CABIN1: variants seen among roughly 807,000 people sequenced by gnomAD.
CABIN1 encodes the protein calcineurin binding protein 1, also known as calcineurin-binding protein cabin-1.
A neutral mutation model predicts 227.7 loss-of-function variants in CABIN1; 133 were observed. That is an observed-to-expected ratio of 0.58 (90% CI 0.51 to 0.67). The LOEUF (loss-of-function observed/expected upper bound fraction) is 0.67, where lower values mean the gene tolerates loss of function less well. CABIN1 is among the 30% of genes least tolerant of loss of function. The probability of loss-of-function intolerance (pLI) is 0.00; values close to 1 mark genes in which losing one functional copy is unlikely to be tolerated. For synonymous variants in CABIN1, 1,086 were observed against 1,155.1 expected (o/e 0.94, Z 1.21); for missense variants, 2,408 against 2,852.5 (o/e 0.84, Z 3.55).
chr22:24,015,764 T>A (rs1291376001), intron 1 of CABIN1, among the ~76,000 whole-genome samples: 1 of 152,114 alleles, frequency 6.6e-6, no homozygotes, highest in East Asian at 1.9e-4. Flanking sequence ...GAGGCCAGCC[T>A]GACCAACATG....
chr22:24,134,169 G>A, intron 28 of CABIN1, 133 bp from the exon 29 acceptor site: 1 of 695,582 alleles, frequency 1.4e-6, no homozygotes. Flanking sequence ...TGGAGCTGTG[G>A]AATCGATGTC....
chr22:24,053,661 G>A (rs2038544874), intron 8 of CABIN1, among the ~76,000 whole-genome samples: 1 of 152,156 alleles, frequency 6.6e-6, no homozygotes, highest in African/African-American at 2.4e-5. Context: ...GTACAAGCAT[G>A]AGTCACCGTG....
At chr22:24,157,155 T>C (rs1602401285) in intron 29 of CABIN1, among the ~76,000 whole-genome samples, 1 of 151,794 alleles carries the variant, frequency 6.6e-6, no homozygotes, top group South Asian at 2.1e-4. Flanking sequence ...CCCTGATAGG[T>C]TTGTGGTAGA....
chr22:24,095,988 G>A lies in CABIN1; in HGVS notation c.3844G>A (p.Val1282Ile), dbSNP rs1181139555. 1 of 1,614,134 alleles carries A rather than the reference G, an allele frequency of 6.2e-7. No homozygotes were observed. The highest frequency in any genetic ancestry group is 1.7e-5 in the Admixed American group (1 of 60,028). The change falls in exon 25 of 37, where the codon GTT (valine) becomes ATT (isoleucine). Residue 1282 changes from valine to isoleucine, a missense_variant. By Grantham distance (29) the Val-to-Ile change is conservative. Around this residue, in one of 3 missense-constraint regions of CABIN1, gnomAD observed 649 missense variants for 910.3 expected, o/e 0.71. Transcript: ENST00000263119. Reference protein sequence around the residue: ...LKLLGKPDSGVGAEVLVNFMK... With the variant: ...LKLLGKPDSGIGAEVLVNFMK... ...GCTCCTGGGGAAGCCCGATTCTGGG[G>A]TTGGTGCAGAGGTCCTGGTCAACTT...
In CABIN1 at chr22:24,171,706, C is replaced by T; in HGVS notation, c.5758-7C>T. On this transcript the variant is annotated splice_region_variant and splice_polypyrimidine_tract_variant and intron_variant, in intron 33 of 36. Transcript: ENST00000263119. ...CAGCCTTTCTCACCTCTTGTTTGTCCTCACAGGCCTCGGGGGACACCCCCA... is the reference window on the plus strand; with the variant it reads ...CAGCCTTTCTCACCTCTTGTTTGTCTTCACAGGCCTCGGGGGACACCCCCA... 1.2e-6 allele frequency: 2 copies of T among 1,613,998 alleles called. No homozygotes were observed. The highest frequency in any genetic ancestry group is 1.7e-6 in the Non-Finnish European group (2 of 1,180,002).
intron 25 of CABIN1, among the ~76,000 whole-genome samples, chr22:24,096,936 G>A (rs368617503): frequency 4.7e-4 from 72 of 152,330 alleles, no homozygotes; most frequent in African/African-American, 1.6e-3. Context: ...AGAGAGGCCT[G>A]CACCCAGGCC....
At chr22:24,027,772 G>A (rs1392852051) in intron 1 of CABIN1, among the ~76,000 whole-genome samples, 1 of 152,224 alleles carries the variant, frequency 6.6e-6, no homozygotes, top group African/African-American at 2.4e-5. Context: ...CCTTTGCCAG[G>A]TACTGGCACT....
In CABIN1 at chr22:24,145,614, C is replaced by T. The variant is rs553388939; in HGVS notation, c.4746+11199C>T. 5.3e-5 allele frequency among the ~76,000 whole-genome samples: 8 copies of T among 152,234 alleles called. No individual in the cohort carries two copies. The East Asian group carries it at 5.8e-4, about 11-fold the overall frequency. On this transcript the variant is annotated intron_variant, in intron 29 of 36. Coordinates refer to ENST00000263119, the MANE Select transcript of CABIN1 (RefSeq NM_012295.4). ...CTGGCACTCTGATGCTCAGATCTGT[C>T]GTCCCGTGTGTCTCTGCCTGGTGTG... is the stretch of plus-strand genomic sequence containing the variant.
Position 24,135,600 on chromosome 22 carries a change from C to CCTCTA in CABIN1, c.4746+1186_4746+1187insTCTAC, listed in dbSNP as rs760833407. Among the ~76,000 whole-genome samples, 196 of 152,178 alleles carry CCTCTA rather than the reference C, an allele frequency of 1.3e-3. 4 individuals are homozygous for CCTCTA. Among genetic ancestry groups the CCTCTA allele is most frequent in the Non-Finnish European group, 4.1e-4 (28 of 68,028 alleles). On this transcript the variant is annotated intron_variant, in intron 29 of 36. Transcript: ENST00000263119. ...TCTGTCCTGCATGGAGACAGCTGGC[C>CCTCTA]CCTCACTCCCCTCTACCTCCAAGTC...
chr22:24,172,604 G>A (rs1601292796), intron 34 of CABIN1, among the ~76,000 whole-genome samples: 1 of 152,246 alleles, frequency 6.6e-6, no homozygotes, highest in Non-Finnish European at 1.5e-5. Flanking sequence ...GGTGCGGGCA[G>A]TAGAGGGCCC....
chr22:24,038,193 C>G (rs571519695), intron 3 of CABIN1, among the ~76,000 whole-genome samples, 155 bp from the exon 4 acceptor site: 1 of 152,298 alleles, frequency 6.6e-6, no homozygotes, highest in South Asian at 2.1e-4. Flanking sequence ...GCCTCTCTTC[C>G]CTTCCTGGAA....
At chr22:24,124,952 C>T (rs1337664105) in intron 28 of CABIN1, among the ~76,000 whole-genome samples, 1 of 152,162 alleles carries the variant, frequency 6.6e-6, no homozygotes, top group Non-Finnish European at 1.5e-5. Context: ...AAACATACTA[C>T]AAATCTATAA....
chr22:24,166,548 G>A, intron 31 of CABIN1, 91 bp from the exon 32 acceptor site: 1 of 1,507,144 alleles, frequency 6.6e-7, no homozygotes, highest in Non-Finnish European at 9.2e-7. Context: ...TCAGGTGGGA[G>A]AGGCCCAGGT....
chr22:24,043,104 T>G lies in CABIN1; in HGVS notation c.526+20T>G. On this transcript the variant is annotated intron_variant, in intron 6 of 36. Coordinates refer to ENST00000263119, the MANE Select transcript of CABIN1 (RefSeq NM_012295.4). ...ACACAAGTGAGTCATGCTTTGATGC[T>G]TTCTTCCATGTGCCAGTGGTTTTTG... 1.9e-6 allele frequency: 3 copies of G among 1,612,200 alleles called. No individual in the cohort carries two copies. The highest frequency in any genetic ancestry group is 2.5e-6 in the Non-Finnish European group (3 of 1,178,428).
rs550037637 is a variant in CABIN1 at position 24,177,158 on chromosome 22, A to G, written c.6206-346A>G. Among the ~76,000 whole-genome samples, 7 of 152,306 alleles carry G rather than the reference A, an allele frequency of 4.6e-5. No homozygotes were observed. Among genetic ancestry groups the G allele is most frequent in the Admixed American group, 1.3e-4 (2 of 15,310 alleles). On this transcript the variant is annotated intron_variant, in intron 35 of 36. Transcript: ENST00000263119. This position sits in a 1 kb window ranked among gnomAD's most constrained non-coding sequence, Gnocchi z 4.4. ...CCTGGGGCATAGACACCAATAGGAC[A>G]TGCATCCTAGGATGGTTGTGGAAAT...
Position 24,166,994 on chromosome 22 carries a change from G to C in CABIN1, c.5363G>C (p.Arg1788Pro), listed in dbSNP as rs751722644. 2 of 1,569,580 alleles carry C rather than the reference G, an allele frequency of 1.3e-6. No homozygotes were observed. The highest frequency in any genetic ancestry group is 1.2e-5 in the South Asian group (1 of 86,024). ...CTGCCAGGTCGCCCCGCAAGGGACC[G>C]GGGCCCCGAGAGCCGGCCCACTGAG... is the stretch of plus-strand genomic sequence containing the variant. ...PLLPGRPARD[R>P]GPESRPTELS... Residue 1788 changes from arginine to proline, a missense_variant, in exon 32 of 37, where the codon CGG becomes CCG. Around this residue, in one of 3 missense-constraint regions of CABIN1, gnomAD observed 714 missense variants for 773.8 expected, o/e 0.92. Coordinates refer to ENST00000263119, the MANE Select transcript of CABIN1 (RefSeq NM_012295.4).
intron 24 of CABIN1, 67 bp from the exon 25 acceptor site, chr22:24,095,864 G>C: frequency 6.3e-7 from 1 of 1,585,230 alleles, no homozygotes; most frequent in Non-Finnish European, 8.6e-7. Flanking sequence ...CAGTGTGGCT[G>C]ACTGGCCTGT....
At chr22:24,034,584 G>T (rs1016928946) in intron 1 of CABIN1, among the ~76,000 whole-genome samples, 1 of 152,236 alleles carries the variant, frequency 6.6e-6, no homozygotes, top group African/African-American at 2.4e-5. Flanking sequence ...AACAAGTTTT[G>T]GCGTGGACAT....
At chr22:24,126,400 A>T (rs1478367090) in intron 28 of CABIN1, among the ~76,000 whole-genome samples, 1 of 152,168 alleles carries the variant, frequency 6.6e-6, no homozygotes, top group Non-Finnish European at 1.5e-5. Flanking sequence ...CCACGAGGAT[A>T]TTGGGGAAGA....
Sources: gnomAD v4.1 joint callset for allele counts (sites outside exome capture counted in the v4.1 genomes callset) on GRCh38, gnomAD v4.1.1 for gene constraint, gnomAD v4.1.1 regional missense constraint, Gnocchi (gnomAD v3.1) non-coding constraint, MANE v1.5 for transcripts, NCBI Gene and HGNC (gene_info 2026-07-23, HGNC 2026-07-21) for gene names.